The following FBN1 variants were observed in gnomAD, a reference collection of about 807,000 sequenced individuals.
FBN1 encodes fibrillin-1.
A neutral mutation model predicts 365.1 loss-of-function variants in FBN1; 29 were observed. That is an observed-to-expected ratio of 0.08 (90% CI 0.06 to 0.11). The LOEUF (loss-of-function observed/expected upper bound fraction) is 0.11, where lower values mean the gene tolerates loss of function less well. FBN1 is among the 10% of genes least tolerant of loss of function. The probability of loss-of-function intolerance (pLI) is 1.00; values close to 1 mark genes in which losing one functional copy is unlikely to be tolerated. For synonymous variants in FBN1, 1,210 were observed against 1,270.5 expected, an observed-to-expected ratio of 0.95 and a Z score of 1.01; for missense variants, 2,476 against 3,703.2, an observed-to-expected ratio of 0.67 and a Z score of 8.60.
chr15:48,425,889 A>C lies in FBN1; in HGVS notation c.7205-25T>G, dbSNP rs1165560109. The C allele has an allele frequency of 2.6e-6, 4 of 1,558,896 alleles. No individual in the cohort carries two copies. In the African/African-American group the frequency reaches 4.1e-5, roughly 16 times the overall value. ...TCTGTAATTTAACAAATATAAATTA[A>C]GAAATATATCATAAAATTGACAACA... On this transcript the variant is annotated intron_variant, in intron 58 of 65. Coordinates refer to ENST00000316623, the MANE Select transcript of FBN1 (RefSeq NM_000138.5).
intron 36 of FBN1, 111 bp from the exon 37 acceptor site, chr15:48,468,645 T>C: frequency 9.9e-7 from 1 of 1,010,534 alleles, no homozygotes. Context: ...TTAAAGCTAC[T>C]AGTTATAACT....
Position 48,456,839 on chromosome 15 carries a change from C to CGTGTGTGTGTGTGT in FBN1, c.5297-78_5297-77insACACACACACACAC, listed in dbSNP as rs766292110. 6.0e-6 allele frequency: 6 copies of CGTGTGTGTGTGTGT among 999,524 alleles called. No homozygotes were observed. In the Admixed American group the frequency reaches 6.9e-5, roughly 11 times the overall value. 61.9% of individuals were successfully genotyped at this position (999,524 alleles called of 1,614,324 possible). ...GCAGGGTAAGACAAGATGGAAAGTG[C>CGTGTGTGTGTGTGT]GTGCGTGTGTGTGTGTGTGTGTGTG... On this transcript the variant is annotated intron_variant, in intron 43 of 65. Transcript: ENST00000316623.
At chr15:48,456,033 C>A (rs1258779454) in intron 44 of FBN1, among the ~76,000 whole-genome samples, 1 of 152,122 alleles carries the variant, frequency 6.6e-6, no homozygotes, top group African/African-American at 2.4e-5. Context: ...TGTAAGAGAA[C>A]TATCTTTCCC....
chr15:48,424,218 C>T (rs1315595053), intron 60 of FBN1, among the ~76,000 whole-genome samples: 1 of 152,210 alleles, frequency 6.6e-6, no homozygotes, highest in African/African-American at 2.4e-5. Flanking sequence ...GTAGGTCTCT[C>T]AACTTCCTCT....
At chr15:48,517,079 T>C (rs2043810789) in intron 10 of FBN1, among the ~76,000 whole-genome samples, 1 of 152,226 alleles carries the variant, frequency 6.6e-6, no homozygotes, top group Admixed American at 6.5e-5. Context: ...TGGGTGAATG[T>C]TGGTGCCCTT....
intron 6 of FBN1, among the ~76,000 whole-genome samples, chr15:48,563,886 T>G (rs567351130): frequency 6.6e-6 from 1 of 152,298 alleles, no homozygotes; most frequent in Admixed American, 6.5e-5. Context: ...TGTGATACAT[T>G]TTAATCTTGA....
chr15:48,569,676 G>C (rs2140669551), intron 6 of FBN1, among the ~76,000 whole-genome samples: 1 of 152,230 alleles, frequency 6.6e-6, no homozygotes, highest in East Asian at 1.9e-4. Flanking sequence ...ATTATGCCAA[G>C]TGAAAAAAGC....
At chr15:48,597,481 T>C (rs1403910615) in intron 5 of FBN1, among the ~76,000 whole-genome samples, 1 of 152,200 alleles carries the variant, frequency 6.6e-6, no homozygotes, top group Non-Finnish European at 1.5e-5. Context: ...CAGGCTGAAG[T>C]TCCTTCTATG....
intron 13 of FBN1, among the ~76,000 whole-genome samples, chr15:48,511,396 T>C (rs1450365200): frequency 3.3e-5 from 5 of 151,944 alleles, no homozygotes; most frequent in Admixed American, 6.6e-5. Context: ...CAAAAAAAAA[T>C]GGTAAAAACC....
At chr15:48,562,237 T>C (rs1490183048) in intron 6 of FBN1, among the ~76,000 whole-genome samples, 1 of 152,058 alleles carries the variant, frequency 6.6e-6, no homozygotes, top group Non-Finnish European at 1.5e-5. Context: ...TCTCCACAGG[T>C]CCGTGCTGTG....
intron 4 of FBN1, among the ~76,000 whole-genome samples, chr15:48,606,905 T>C (rs1434157943): frequency 6.6e-6 from 1 of 152,234 alleles, no homozygotes; most frequent in Non-Finnish European, 1.5e-5. Flanking sequence ...ATTTATGCCA[T>C]TATCTCAGGA....
At chr15:48,466,486 G>C (rs1368940068) in intron 38 of FBN1, among the ~76,000 whole-genome samples, 1 of 152,198 alleles carries the variant, frequency 6.6e-6, no homozygotes, top group African/African-American at 2.4e-5. Context: ...ATTTATTTCA[G>C]TGGTATGCAC....
Position 48,438,007 on chromosome 15 carries a change from A to G in FBN1, c.6164-90T>C, listed in dbSNP as rs1014697165. ...AATAAAGAACAACCCACTATGTTAT[A>G]TATGTTCTCCTCTCAGGACCACAGC... On this transcript the variant is annotated intron_variant, in intron 50 of 65. Coordinates refer to ENST00000316623, the MANE Select transcript of FBN1 (RefSeq NM_000138.5). 1.5e-5 allele frequency: 20 copies of G among 1,342,644 alleles called. No individual in the cohort carries two copies. The African/African-American group carries it at 1.9e-4, about 13-fold the overall frequency. 83.2% of individuals were successfully genotyped at this position (1,342,644 alleles called of 1,614,324 possible).
chr15:48,442,680 T>C (rs999668613), intron 49 of FBN1, among the ~76,000 whole-genome samples: 1 of 152,206 alleles, frequency 6.6e-6, no homozygotes, highest in African/African-American at 2.4e-5. Context: ...CTGACTTTAT[T>C]GTTAATAGTG....
intron 46 of FBN1, among the ~76,000 whole-genome samples, chr15:48,447,785 A>G (rs565142013): frequency 6.6e-6 from 1 of 152,294 alleles, no homozygotes; most frequent in Non-Finnish European, 1.5e-5. Flanking sequence ...TTCCTGAATC[A>G]GGAAGCTATT....
Position 48,415,463 on chromosome 15 carries a change from T to A in FBN1, c.8051+73A>T, listed in dbSNP as rs929199690. 9.2e-5 allele frequency: 108 copies of A among 1,178,592 alleles called. No individual in the cohort carries two copies. In the East Asian group the frequency reaches 2.4e-3, roughly 27 times the overall value. 73.0% of individuals were successfully genotyped at this position (1,178,592 alleles called of 1,614,324 possible). On this transcript the variant is annotated intron_variant, in intron 64 of 65. Coordinates refer to ENST00000316623, the MANE Select transcript of FBN1 (RefSeq NM_000138.5). ...GTTCTCCTCTGCTAGGACAGGTAAT[T>A]TTGAGTTCAGTATACTTAATTATAT...
intron 48 of FBN1, 138 bp downstream of exon 48, chr15:48,445,238 T>G: frequency 1.5e-6 from 1 of 659,376 alleles, no homozygotes. Flanking sequence ...AAACAAGCCT[T>G]TATAGGGAGG....
intron 13 of FBN1, among the ~76,000 whole-genome samples, chr15:48,511,972 A>G (rs2043764421): frequency 6.6e-6 from 1 of 152,200 alleles, no homozygotes; most frequent in African/African-American, 2.4e-5. Context: ...GTACATGTTA[A>G]TTATATTAAA....
At chr15:48,438,359 G>A (rs1305289465) in intron 50 of FBN1, among the ~76,000 whole-genome samples, 1 of 152,142 alleles carries the variant, frequency 6.6e-6, no homozygotes, top group Non-Finnish European at 1.5e-5. Flanking sequence ...TATTTACTGT[G>A]ATATCACACT....
Sources: gnomAD v4.1 joint callset for allele counts (sites outside exome capture counted in the v4.1 genomes callset) on GRCh38, gnomAD v4.1.1 for gene constraint, MANE v1.5 for transcripts, NCBI Gene and HGNC (gene_info 2026-07-23, HGNC 2026-07-21) for gene names.